Variants in TTC39B observed in about 807,000 individuals in gnomAD.
TTC39B encodes the protein tetratricopeptide repeat domain 39B.
A neutral mutation model predicts 96.6 loss-of-function variants in TTC39B; 92 were observed. The observed-to-expected ratio is 0.95, with a 90% CI of 0.80 to 1.13. The LOEUF (loss-of-function observed/expected upper bound fraction) is 1.13, where lower values mean the gene tolerates loss of function less well. Ranked by LOEUF, TTC39B falls within the 50% of genes most tolerant of loss-of-function variation. The pLI, the probability that TTC39B is intolerant of heterozygous loss-of-function variation, is 0.00. For missense variants in TTC39B, 955 were observed against 809.3 expected, an observed-to-expected ratio of 1.18 and a Z score of -2.18; for synonymous variants, 367 against 299.4, an observed-to-expected ratio of 1.23 and a Z score of -2.33.
chr9:15,212,912 G>C (rs1820290203), intron 4 of TTC39B, among the ~76,000 whole-genome samples: 1 of 152,046 alleles, frequency 6.6e-6, no homozygotes, highest in African/African-American at 2.4e-5. Context: ...TAATAATAGA[G>C]AAATTATAAT....
At chr9:15,303,883 C>A (rs1824678061) in intron 1 of TTC39B, among the ~76,000 whole-genome samples, 1 of 152,152 alleles carries the variant, frequency 6.6e-6, no homozygotes, top group African/African-American at 2.4e-5. Flanking sequence ...GATCCACCCG[C>A]CTCAGCCTCC....
At chr9:15,264,729 C>CTA (rs138797791) in intron 2 of TTC39B, among the ~76,000 whole-genome samples, 15,597 of 141,742 alleles carry the variant, frequency 0.11, 1,035 homozygotes, top group African/African-American at 0.2. Flanking sequence ...AACAATTTTA[C>CTA]TATATATATA....
intron 3 of TTC39B, among the ~76,000 whole-genome samples, chr9:15,225,106 G>C (rs1480820894): frequency 6.6e-6 from 1 of 152,052 alleles, no homozygotes; most frequent in Non-Finnish European, 1.5e-5. Flanking sequence ...TGTTCAAAGA[G>C]AGAATCTGTT....
At chr9:15,246,560 G>C (rs1319103570) in intron 2 of TTC39B, among the ~76,000 whole-genome samples, 1 of 152,194 alleles carries the variant, frequency 6.6e-6, no homozygotes, top group Non-Finnish European at 1.5e-5. Flanking sequence ...GGTGGTCTCT[G>C]TGACTACTTG....
At chr9:15,167,009 TATATA>T (rs1817536845) in exon 20 of TTC39B, 2 of 7,610 alleles carry the variant, frequency 2.6e-4, no homozygotes, top group Non-Finnish European at 4.9e-4. Context: ...TATATATATA[TATATA>T]TATATATATA....
intron 9 of TTC39B, among the ~76,000 whole-genome samples, chr9:15,191,947 C>T (rs998370728): frequency 6.6e-6 from 1 of 152,150 alleles, no homozygotes; most frequent in South Asian, 2.1e-4. Context: ...CATGTGGATA[C>T]ACACCAAAGG....
intron 1 of TTC39B, among the ~76,000 whole-genome samples, chr9:15,298,668 T>C (rs675849): frequency 0.89 from 135,218 of 152,156 alleles, 60,170 homozygotes; most frequent in East Asian, 0.97. Context: ...ATGTGAGCTA[T>C]GACTCAAGAT....
intron 6 of TTC39B, among the ~76,000 whole-genome samples, chr9:15,209,350 C>G (rs2131341864): frequency 6.6e-6 from 1 of 152,238 alleles, no homozygotes; most frequent in African/African-American, 2.4e-5. Context: ...CCGCAGCCAG[C>G]CATTCCTGGA....
At chr9:15,242,784 C>G (rs1822102835) in intron 2 of TTC39B, among the ~76,000 whole-genome samples, 1 of 152,166 alleles carries the variant, frequency 6.6e-6, no homozygotes, top group African/African-American at 2.4e-5. Context: ...AATGTTAAAA[C>G]TGAATTAAGG....
In TTC39B at chr9:15,199,636, G is replaced by C. The variant is rs1049551141; in HGVS notation, c.824+225C>G. Among the ~76,000 whole-genome samples the C allele has an allele frequency of 1.5e-4, 22 of 147,986 alleles. No individual in the cohort carries two copies. The Admixed American group carries it at 1.5e-3, about 10-fold the overall frequency. ...TGTAGTCCCAGCTACTCGGGAGGAT[G>C]AGGCAGGAGAATGGCGTGAACCTGA... On this transcript the variant is annotated intron_variant, in intron 8 of 19. Transcript: ENST00000512701.
At chr9:15,167,028 A>ATATATATTTTT (rs1554758710) in exon 20 of TTC39B, 1 of 11,034 alleles carries the variant, frequency 9.1e-5, no homozygotes, top group African/African-American at 2.9e-4. Context: ...ATATATATAT[A>ATATATATTTTT]TTTTTTTTTT....
intron 17 of TTC39B, among the ~76,000 whole-genome samples, chr9:15,178,149 G>A (rs987235951): frequency 2.0e-5 from 3 of 152,100 alleles, no homozygotes; most frequent in Non-Finnish European, 4.4e-5. Flanking sequence ...GATTACAGGC[G>A]TGAGCCACCG....
rs765720842 is a variant in TTC39B, at chr9:15,199,813, T to C, written c.824+48A>G. ...AGGAGAACTGTGAAGAACAAAGGAG[T>C]ACACAGCACAAAATTATTTACAAAC... is the stretch of plus-strand genomic sequence containing the variant. On this transcript the variant is annotated intron_variant, in intron 8 of 19. Coordinates refer to ENST00000512701, the Ensembl canonical transcript of TTC39B. 8.3e-6 allele frequency: 7 copies of C among 847,400 alleles called. No homozygotes were observed. The Admixed American group carries it at 1.6e-4, about 19-fold the overall frequency. The allele number at this position is 847,400 out of a possible 1,614,324, so 52.5% of individuals were successfully genotyped here.
chr9:15,187,875 T>C (rs925466250), intron 14 of TTC39B, 96 bp downstream of exon 14: 28 of 1,271,142 alleles, frequency 2.2e-5, no homozygotes, highest in Non-Finnish European at 2.8e-5. Context: ...GAGAAAACAC[T>C]GTGGTATCAT....
chr9:15,227,180 G>A (rs910276788), intron 2 of TTC39B, among the ~76,000 whole-genome samples: 1 of 152,046 alleles, frequency 6.6e-6, no homozygotes, highest in Non-Finnish European at 1.5e-5. Flanking sequence ...CGTGGCGCAT[G>A]CCTGTAATCC....
intron 2 of TTC39B, among the ~76,000 whole-genome samples, chr9:15,241,247 T>A (rs1210707871): frequency 6.6e-6 from 1 of 152,088 alleles, no homozygotes; most frequent in African/African-American, 2.4e-5. Context: ...TTATCATGTG[T>A]TTTACATTTG....
exon 20 of TTC39B, chr9:15,163,854 C>G (rs1451493745): frequency 6.6e-6 from 1 of 152,188 alleles, no homozygotes. Flanking sequence ...TTTTCAAAAA[C>G]ATCCTAATGG....
chr9:15,251,700 C>CAT (rs57422881), intron 2 of TTC39B, among the ~76,000 whole-genome samples: 3,292 of 98,044 alleles, frequency 0.034, 73 homozygotes, highest in Middle Eastern at 0.05. Context: ...CATACATATA[C>CAT]ATATATATAT....
At chr9:15,208,930 T>C (rs1820030591) in intron 6 of TTC39B, among the ~76,000 whole-genome samples, 1 of 152,182 alleles carries the variant, frequency 6.6e-6, no homozygotes, top group Non-Finnish European at 1.5e-5. Flanking sequence ...CTCAAAAATA[T>C]GTCTGACATA....
Sources: gnomAD v4.1 joint callset for allele counts (sites outside exome capture counted in the v4.1 genomes callset) on GRCh38, gnomAD v4.1.1 for gene constraint, MANE v1.5 for transcripts, NCBI Gene and HGNC (gene_info 2026-07-23, HGNC 2026-07-21) for gene names.